The following FAM174B variants were observed in gnomAD, a reference collection of about 807,000 sequenced individuals.
FAM174B encodes membrane protein FAM174B.
Under a neutral mutation model 10.9 loss-of-function variants are expected in FAM174B, and 12 were observed. That is an observed-to-expected ratio of 1.10 (90% confidence interval 0.71 to 1.79). The LOEUF (loss-of-function observed/expected upper bound fraction) is 1.79. FAM174B is among the 40% of genes most tolerant of loss of function. FAM174B has a pLI of 0.00. For synonymous variants in FAM174B, 132 were observed against 115.8 expected, an observed-to-expected ratio of 1.14 and a Z score of -0.90; for missense variants, 266 against 233.3, an observed-to-expected ratio of 1.14 and a Z score of -0.91.
At chr15:92,628,136 T>C (rs1295697487) in intron 2 of FAM174B, among the ~76,000 whole-genome samples, 1 of 151,930 alleles carries the variant, frequency 6.6e-6, no homozygotes, top group Non-Finnish European at 1.5e-5. Flanking sequence ...TTTGGATTTG[T>C]ATTATTTTCA....
chr15:92,642,822 T>C (rs1040660367), intron 1 of FAM174B, among the ~76,000 whole-genome samples: 4 of 152,180 alleles, frequency 2.6e-5, no homozygotes, highest in African/African-American at 7.2e-5. Flanking sequence ...AAATAAAAGA[T>C]GGTATACCCA....
chr15:92,639,968 A>T (rs2050879729), intron 1 of FAM174B, among the ~76,000 whole-genome samples: 2 of 152,210 alleles, frequency 1.3e-5, no homozygotes. Flanking sequence ...TCCCACACTA[A>T]CAATCAGATG....
At chr15:92,628,825 A>G (rs961098326) in intron 2 of FAM174B, among the ~76,000 whole-genome samples, 2 of 152,222 alleles carry the variant, frequency 1.3e-5, no homozygotes, top group Non-Finnish European at 2.9e-5. Context: ...AAAAATATAC[A>G]TATCAAAATG....
intron 2 of FAM174B, among the ~76,000 whole-genome samples, chr15:92,629,664 G>C (rs1233964125): frequency 6.6e-6 from 1 of 152,182 alleles, no homozygotes; most frequent in Non-Finnish European, 1.5e-5. Context: ...GCAATTCTCT[G>C]CTGGGTTTCT....
At position 92,617,842 on chromosome 15, in the gene FAM174B, AT is replaced by A. The variant is rs1260048157; in HGVS notation, c.*1613del. On this transcript the variant is annotated 3_prime_UTR_variant, in exon 3 of 3. Coordinates refer to ENST00000327355, the MANE Select transcript of FAM174B (RefSeq NM_207446.3). The stretch of plus-strand genomic sequence containing the variant: ...AAGGAAAGTCAACAAAGAAGGTGAA[AT>A]GCAGGGAGCAGAGACTACACGCAGG... 1 of 490,340 alleles carries A rather than the reference AT, an allele frequency of 2.0e-6. No homozygotes were observed. Among genetic ancestry groups the A allele is most frequent in the Non-Finnish European group, 3.6e-6 (1 of 279,786 alleles). The allele number at this position is 490,340 out of a possible 1,614,324, so 30.4% of individuals were successfully genotyped here.
chr15:92,638,981 G>A (rs2050873608), intron 1 of FAM174B, among the ~76,000 whole-genome samples: 1 of 152,186 alleles, frequency 6.6e-6, no homozygotes, highest in African/African-American at 2.4e-5. Context: ...ATGCACATGT[G>A]ATCTCATCAC....
intron 1 of FAM174B, among the ~76,000 whole-genome samples, chr15:92,632,114 T>A (rs2050823290): frequency 6.6e-6 from 1 of 152,226 alleles, no homozygotes; most frequent in Non-Finnish European, 1.5e-5. Context: ...AGGAATTAAA[T>A]ACGCTACATC....
intron 1 of FAM174B, among the ~76,000 whole-genome samples, chr15:92,635,169 C>CACACACA: frequency 9.3e-5 from 1 of 10,776 alleles, no homozygotes; most frequent in African/African-American, 1.5e-4. Context: ...CCACACACAC[C>CACACACA]CACACACACA....
At chr15:92,627,919 T>C (rs999851538) in intron 2 of FAM174B, among the ~76,000 whole-genome samples, 20 of 152,202 alleles carry the variant, frequency 1.3e-4, no homozygotes, top group Admixed American at 6.5e-5. Context: ...CTAACTTTCC[T>C]AGGTACACGG....
At chr15:92,642,983 T>C (rs1185340178) in intron 1 of FAM174B, among the ~76,000 whole-genome samples, 1 of 152,188 alleles carries the variant, frequency 6.6e-6, no homozygotes, top group Non-Finnish European at 1.5e-5. Flanking sequence ...GGGAAATCTA[T>C]ACACAGAAAG....
intron 2 of FAM174B, among the ~76,000 whole-genome samples, chr15:92,620,422 C>G (rs980597927): frequency 1.6e-4 from 25 of 152,228 alleles, no homozygotes; most frequent in African/African-American, 6.0e-4. Flanking sequence ...GGTGTGAACC[C>G]GGGAGGCAGA....
chr15:92,641,755 A>G (rs893785807), intron 1 of FAM174B, among the ~76,000 whole-genome samples: 1 of 152,154 alleles, frequency 6.6e-6, no homozygotes, highest in African/African-American at 2.4e-5. Flanking sequence ...TAGATTAGAC[A>G]ATGGCTTATT....
At chr15:92,630,847 TATTACATGTTACA>T (rs1454143932) in intron 1 of FAM174B, among the ~76,000 whole-genome samples, 3 of 71,314 alleles carry the variant, frequency 4.2e-5, no homozygotes, top group African/African-American at 1.1e-4. Context: ...ATATATTACA[TATTACATGTTACA>T]TATTACATAT....
At chr15:92,619,672 C>G in intron 2 of FAM174B, 9 of 603,780 alleles carry the variant, frequency 1.5e-5, no homozygotes, top group Admixed American at 5.9e-5. Context: ...AGGATCCCTC[C>G]CCCAGCTCCC....
intron 2 of FAM174B, among the ~76,000 whole-genome samples, chr15:92,626,569 G>A (rs545619436): frequency 2.0e-5 from 3 of 152,264 alleles, no homozygotes; most frequent in Admixed American, 1.3e-4. Context: ...AGAGAAGCTG[G>A]CAGCCCTAGA....
At chr15:92,621,429 T>C (rs902321704) in intron 2 of FAM174B, among the ~76,000 whole-genome samples, 4 of 151,892 alleles carry the variant, frequency 2.6e-5, no homozygotes, top group African/African-American at 4.8e-5. Context: ...CTGGGCAACA[T>C]ACTGAGAGCT....
intron 1 of FAM174B, among the ~76,000 whole-genome samples, chr15:92,649,434 C>T (rs2050949931): frequency 1.3e-5 from 2 of 152,216 alleles, no homozygotes; most frequent in African/African-American, 4.8e-5. Context: ...GGCCATATGG[C>T]TGCATCCTCA....
chr15:92,617,906 C>T lies in FAM174B; in HGVS notation c.*1550G>A, dbSNP rs1406209635. ...GGCAATACCATGCGTGCTGGGCCGGCTGCGCCACCCTCACCCAGGGCTTCC... is the reference window on the plus strand; with the variant it reads ...GGCAATACCATGCGTGCTGGGCCGGTTGCGCCACCCTCACCCAGGGCTTCC... On this transcript the variant is annotated 3_prime_UTR_variant, in exon 3 of 3. Transcript: ENST00000327355. 1 of 414,134 alleles carries T rather than the reference C, an allele frequency of 2.4e-6. No individual in the cohort carries two copies. Among genetic ancestry groups the T allele is most frequent in the Non-Finnish European group, 4.2e-6 (1 of 235,480 alleles). The allele number at this position is 414,134 out of a possible 1,614,324, so 25.7% of individuals were successfully genotyped here. A position where few individuals can be genotyped will look rare whatever the true frequency, so the allele number is the denominator to read the frequency against.
chr15:92,655,357 A>C lies in FAM174B; in HGVS notation c.303T>G (p.Phe101Leu), dbSNP rs1331889594. Residue 101 changes from phenylalanine (F) to leucine (L), a missense_variant, in exon 1 of 3, where the codon TTT becomes TTG. By Grantham distance (22) the Phe-to-Leu change is conservative. Coordinates refer to ENST00000327355, the MANE Select transcript of FAM174B (RefSeq NM_207446.3). ...LKAAVIVAFAFTTLLIACLLL... is the reference protein window; with the variant it reads ...LKAAVIVAFALTTLLIACLLL... ...GCAGGCAGGCGATGAGGAGGGTGGT[A>C]AAGGCGAACGCCACGATCACGGCTG... is the stretch of plus-strand genomic sequence containing the variant. The C allele has an allele frequency of 5.7e-6, 9 of 1,588,780 alleles. No individual in the cohort carries two copies. The highest frequency in any genetic ancestry group is 6.8e-6 in the Non-Finnish European group (8 of 1,168,292).
Sources: gnomAD v4.1 joint callset for allele counts (sites outside exome capture counted in the v4.1 genomes callset) on GRCh38, gnomAD v4.1.1 for gene constraint, MANE v1.5 for transcripts, NCBI Gene and HGNC (gene_info 2026-07-23, HGNC 2026-07-21) for gene names.